CFAP44: variants seen among roughly 807,000 people sequenced by gnomAD.
CFAP44 encodes the protein cilia and flagella associated protein 44, also known as cilia- and flagella-associated protein 44.
A neutral mutation model predicts 216.2 loss-of-function variants in CFAP44; 134 were observed. The ratio of observed to expected loss-of-function variants is 0.62; its 90% CI spans 0.54 to 0.72. CFAP44 has a LOEUF of 0.72. CFAP44 is among the 30% of genes least tolerant of loss of function. The probability of loss-of-function intolerance (pLI) is 0.00; values close to 1 mark genes in which losing one functional copy is unlikely to be tolerated. For synonymous variants in CFAP44, 700 were observed against 727.6 expected (o/e 0.96, Z 0.61); for missense variants, 2,035 against 2,182.1 (o/e 0.93, Z 1.34).
chr3:113,335,516 C>A (rs1950274887), intron 24 of CFAP44, among the ~76,000 whole-genome samples: 1 of 152,162 alleles, frequency 6.6e-6, no homozygotes, highest in South Asian at 2.1e-4. Flanking sequence ...ATGTGAACCA[C>A]CATGAAGCTG....
At chr3:113,347,324 T>C (rs905654251) in intron 22 of CFAP44, among the ~76,000 whole-genome samples, 1 of 152,058 alleles carries the variant, frequency 6.6e-6, no homozygotes, top group Non-Finnish European at 1.5e-5. Context: ...TGACAAAAAG[T>C]TGGTTGACCC....
At chr3:113,349,148 T>G (rs1950417238) in intron 22 of CFAP44, among the ~76,000 whole-genome samples, 1 of 152,194 alleles carries the variant, frequency 6.6e-6, no homozygotes. Flanking sequence ...CATGAATTAT[T>G]CAATGATGTC....
At chr3:113,325,052 C>G (rs1290736016) in intron 28 of CFAP44, among the ~76,000 whole-genome samples, 1 of 151,864 alleles carries the variant, frequency 6.6e-6, no homozygotes, top group Non-Finnish European at 1.5e-5. Context: ...GCCTGTAATC[C>G]CAGCACTTTG....
chr3:113,319,211 C>G (rs186520302), intron 28 of CFAP44, among the ~76,000 whole-genome samples: 173 of 152,240 alleles, frequency 1.1e-3, no homozygotes, highest in African/African-American at 3.9e-3. Flanking sequence ...TAATTATACC[C>G]ATTGGCTCAA....
At chr3:113,336,037 A>G (rs1190154913) in intron 24 of CFAP44, among the ~76,000 whole-genome samples, 1 of 152,230 alleles carries the variant, frequency 6.6e-6, no homozygotes, top group Non-Finnish European at 1.5e-5. Flanking sequence ...AATGTCTACC[A>G]TATGAAAATG....
chr3:113,362,762 T>C, intron 21 of CFAP44: 2 of 415,052 alleles, frequency 4.8e-6, no homozygotes, highest in East Asian at 7.5e-5. Flanking sequence ...CGTTTAGCCA[T>C]AGTTCCCAAC....
At chr3:113,438,017 C>T (rs1935276518) in intron 1 of CFAP44, among the ~76,000 whole-genome samples, 1 of 152,186 alleles carries the variant, frequency 6.6e-6, no homozygotes, top group South Asian at 2.1e-4. Context: ...GAGTTCTCAA[C>T]TTTGACTGCA....
Position 113,330,439 on chromosome 3 carries a change from T to C in CFAP44, c.3845A>G (p.Gln1282Arg). 6.5e-7 allele frequency: 1 copy of C among 1,537,336 alleles called. No individual in the cohort carries two copies. Among genetic ancestry groups the C allele is most frequent in the South Asian group, 1.2e-5 (1 of 84,062 alleles). Residue 1282 changes from glutamine to arginine, a missense_variant, in exon 26 of 35, where the codon CAG becomes CGG. By Grantham distance (43) the Gln-to-Arg change is conservative. Transcript: ENST00000393845. Reference protein sequence around the residue: ...DEETLLNFKQQQMKSKDEKSP... With the variant: ...DEETLLNFKQRQMKSKDEKSP... ...CTTTTCATCTTTACTTTTCATTTGC[T>C]GTTGCTTAAAATTTAGGAGAGTTTC... is the stretch of plus-strand genomic sequence containing the variant.
intron 28 of CFAP44, among the ~76,000 whole-genome samples, chr3:113,316,857 A>C (rs1398964834): frequency 1.4e-5 from 2 of 144,000 alleles, no homozygotes; most frequent in African/African-American, 5.2e-5. Context: ...CAACAGAGCG[A>C]GACTCCATCT....
intron 15 of CFAP44, among the ~76,000 whole-genome samples, chr3:113,392,229 G>C (rs1933861284): frequency 6.6e-6 from 1 of 152,118 alleles, no homozygotes; most frequent in Admixed American, 6.5e-5. Context: ...AAAAAAGAAT[G>C]AAATCCTATG....
At chr3:113,423,105 C>CTTTTTTTTTTTTT (rs72395986) in intron 4 of CFAP44, among the ~76,000 whole-genome samples, 1 of 79,158 alleles carries the variant, frequency 1.3e-5, no homozygotes, top group Non-Finnish European at 2.3e-5. Context: ...CTGATCCTTC[C>CTTTTTTTTTTTTT]TTTTTTTTTT....
At chr3:113,305,996 A>G (rs1186071955) in intron 30 of CFAP44, among the ~76,000 whole-genome samples, 2 of 152,122 alleles carry the variant, frequency 1.3e-5, no homozygotes, top group Admixed American at 6.6e-5. Flanking sequence ...AAGTCTGGAG[A>G]CCAATGACTG....
intron 11 of CFAP44, 140 bp from the exon 12 acceptor site, chr3:113,400,784 G>A: frequency 1.3e-6 from 1 of 763,872 alleles, no homozygotes; most frequent in Admixed American, 2.3e-5. Context: ...TAAAAAGTTA[G>A]AAAGAACACT....
At chr3:113,319,844 G>A (rs982018510) in intron 28 of CFAP44, among the ~76,000 whole-genome samples, 3 of 151,940 alleles carry the variant, frequency 2.0e-5, no homozygotes, top group Admixed American at 1.3e-4. Context: ...AAAAGAAAAT[G>A]AGAAGATCCA....
At chr3:113,319,333 A>C (rs1950119979) in intron 28 of CFAP44, among the ~76,000 whole-genome samples, 1 of 152,208 alleles carries the variant, frequency 6.6e-6, no homozygotes, top group South Asian at 2.1e-4. Flanking sequence ...ATTAAGAAGG[A>C]TAATGAAGAG....
intron 4 of CFAP44, among the ~76,000 whole-genome samples, chr3:113,423,775 C>A (rs1934884927): frequency 6.6e-6 from 1 of 152,136 alleles, no homozygotes; most frequent in Admixed American, 6.5e-5. Context: ...TTTAATTGAG[C>A]AAAGAACCAT....
At chr3:113,305,266 T>A in intron 30 of CFAP44, 114 bp from the exon 31 acceptor site, 1 of 877,110 alleles carries the variant, frequency 1.1e-6, no homozygotes, top group Non-Finnish European at 1.8e-6. Context: ...TCTGCTTTGT[T>A]GGGCTGTGAT....
At chr3:113,319,566 T>C (rs757216076) in intron 28 of CFAP44, among the ~76,000 whole-genome samples, 7 of 152,114 alleles carry the variant, frequency 4.6e-5, no homozygotes, top group Non-Finnish European at 8.8e-5. Context: ...GGACTTAAAC[T>C]CAACACTTGA....
intron 13 of CFAP44, among the ~76,000 whole-genome samples, chr3:113,398,079 A>G (rs544483988): frequency 6.6e-6 from 1 of 152,318 alleles, no homozygotes; most frequent in Non-Finnish European, 1.5e-5. Context: ...GCTGTACACC[A>G]TTCAACTTCA....
Sources: allele counts gnomAD v4.1 joint callset (sites outside exome capture counted in the v4.1 genomes callset), GRCh38; gene constraint gnomAD v4.1.1; transcripts MANE v1.5; gene names NCBI Gene and HGNC (gene_info 2026-07-23, HGNC 2026-07-21).